Variants in STAT1 observed in about 807,000 individuals in gnomAD.
STAT1 encodes the protein signal transducer and activator of transcription 1-alpha/beta.
In STAT1, 24 loss-of-function variants were observed where a neutral mutation model predicts 111.7. That is an observed-to-expected ratio of 0.21 (90% CI 0.16 to 0.30). The LOEUF (loss-of-function observed/expected upper bound fraction) is 0.30. Ranked by LOEUF, STAT1 falls within the 10% of genes least tolerant of loss-of-function variation. The pLI, the probability that STAT1 is intolerant of heterozygous loss-of-function variation, is 1.00. For synonymous variants in STAT1, 332 were observed against 326.5 expected, an observed-to-expected ratio of 1.02 and a Z score of -0.18; for missense variants, 351 against 911.9, an observed-to-expected ratio of 0.38 and a Z score of 7.92.
At chr2:190,985,559 T>A in intron 15 of STAT1, 60 bp downstream of exon 15, 1 of 1,590,078 alleles carries the variant, frequency 6.3e-7, no homozygotes, top group Non-Finnish European at 8.6e-7. Flanking sequence ...CCAACTGACC[T>A]GTCCTTGCTA....
At chr2:191,010,642 T>G (rs1695048506) in intron 2 of STAT1, among the ~76,000 whole-genome samples, 1 of 151,966 alleles carries the variant, frequency 6.6e-6, no homozygotes, top group Non-Finnish European at 1.5e-5. Flanking sequence ...ATTTTCAAAC[T>G]TCTGTTTTAT....
At chr2:191,013,714 G>A (rs1408682415) in intron 1 of STAT1, 36 bp from the exon 2 acceptor site, 2 of 398,628 alleles carry the variant, frequency 5.0e-6, no homozygotes, top group Admixed American at 4.4e-5. Flanking sequence ...ATGGAAAGGG[G>A]TGGAAACGGG....
Position 190,993,790 on chromosome 2 carries a change from TAA to T in STAT1, c.944+1269_944+1270del, listed in dbSNP as rs35046975. Among the ~76,000 whole-genome samples, 3 of 144,838 alleles carry T rather than the reference TAA, an allele frequency of 2.1e-5. No homozygotes were observed. Among genetic ancestry groups the T allele is most frequent in the Non-Finnish European group, 3.0e-5 (2 of 65,828 alleles). On this transcript the variant is annotated intron_variant, in intron 10 of 24. Coordinates refer to ENST00000361099, the MANE Select transcript of STAT1 (RefSeq NM_007315.4). The surrounding 1 kb of genome is among the most constrained non-coding windows in gnomAD (Gnocchi z 4.1). ...CATTTTTATCATGTCAAGTTTGCAT[TAA>T]AAAAAAAAAAACTTGCAATATGAAC...
At position 190,969,483 on chromosome 2, in the gene STAT1, A is replaced by G. The variant is rs1691293061; in HGVS notation, c.*1220T>C. On this transcript the variant is annotated 3_prime_UTR_variant, in exon 25 of 25. Transcript: ENST00000361099. ...AAAAGGGAAGAACCTTGTCAAACCC[A>G]TCTCTTAATCTACTTTTTGTGTCAG... The G allele has an allele frequency of 6.6e-6, 1 of 152,202 alleles. No homozygotes were observed. The highest frequency in any genetic ancestry group is 6.5e-5 in the Admixed American group (1 of 15,286). The allele number at this position is 152,202 out of a possible 1,614,324, so 9.4% of individuals were successfully genotyped here. A position where few individuals can be genotyped will look rare whatever the true frequency, so the allele number is the denominator to read the frequency against.
chr2:190,992,838 G>A, intron 10 of STAT1: 1 of 328,022 alleles, frequency 3.0e-6, no homozygotes, highest in Non-Finnish European at 5.3e-6. Context: ...CTCCTAGGCT[G>A]GAGAGCAATG....
rs772103262 is a variant in STAT1 at position 190,989,694 on chromosome 2, C to CCATT, written c.1038-24_1038-21dup. 6.4e-7 allele frequency: 1 copy of CCATT among 1,570,840 alleles called. No homozygotes were observed. The highest frequency in any genetic ancestry group is 1.1e-5 in the South Asian group (1 of 87,314). ...AACAGTCTGGAAAGAAAAATAAAAG[C>CCATT]CATTACTTAAAAAAAATTATCTGTT... is the stretch of plus-strand genomic sequence containing the variant. On this transcript the variant is annotated intron_variant, in intron 11 of 24. Coordinates refer to ENST00000361099, the MANE Select transcript of STAT1 (RefSeq NM_007315.4). The surrounding 1 kb of genome is among the most constrained non-coding windows in gnomAD (Gnocchi z 5.0).
Position 190,990,271 on chromosome 2 carries a change from T to C in STAT1, c.1038-597A>G, listed in dbSNP as rs1693211577. Among the ~76,000 whole-genome samples, 1 of 152,196 alleles carries C rather than the reference T, an allele frequency of 6.6e-6. No homozygotes were observed. The highest frequency in any genetic ancestry group is 1.5e-5 in the Non-Finnish European group (1 of 68,030). On this transcript the variant is annotated intron_variant, in intron 11 of 24. Transcript: ENST00000361099. This position sits in a 1 kb window ranked among gnomAD's most constrained non-coding sequence, Gnocchi z 5.1. Reference sequence around the variant, plus strand: ...GAGCAGGTGGATGGGATCAGATTTCTACTGTCCCTTCCAGCTGCTGAGTTC... The same window carrying C: ...GAGCAGGTGGATGGGATCAGATTTCCACTGTCCCTTCCAGCTGCTGAGTTC...
chr2:191,010,891 T>C (rs1042718693), intron 2 of STAT1, among the ~76,000 whole-genome samples: 1 of 152,304 alleles, frequency 6.6e-6, no homozygotes, highest in East Asian at 1.9e-4. Context: ...AAACTTGATA[T>C]AAGCAAGTCC....
In STAT1 at chr2:191,007,423, TA is replaced by T. The variant is rs1694790346; in HGVS notation, c.372+139del. ...TTAAAGCCTGGTTCTATAAAATCTC[TA>T]AATCTGATTCTCCCACTTCTTGGGG... is the stretch of plus-strand genomic sequence containing the variant. On this transcript the variant is annotated intron_variant, in intron 5 of 24. Transcript: ENST00000361099. The surrounding 1 kb of genome is among the most constrained non-coding windows in gnomAD (Gnocchi z 4.2). 1.2e-5 allele frequency: 8 copies of T among 681,442 alleles called. No homozygotes were observed. The allele number at this position is 681,442 out of a possible 1,614,324, so 42.2% of individuals were successfully genotyped here. A position where few individuals can be genotyped will look rare whatever the true frequency, so the allele number is the denominator to read the frequency against.
At chr2:191,013,148 G>A (rs940195550) in intron 2 of STAT1, among the ~76,000 whole-genome samples, 2 of 152,196 alleles carry the variant, frequency 1.3e-5, no homozygotes, top group Admixed American at 6.5e-5. Context: ...TATTTCAGAC[G>A]GAATTAGAAA....
At position 190,987,135 on chromosome 2, in the gene STAT1, TAA is replaced by T; in HGVS notation, c.1098-69_1098-68del. ...TTTGAAATAAGCTTTAACAAAATTA[TAA>T]GAGTATAAGAGCATAAGAGTGTAAG... On this transcript the variant is annotated intron_variant, in intron 12 of 24. Coordinates refer to ENST00000361099, the MANE Select transcript of STAT1 (RefSeq NM_007315.4). This position sits in a 1 kb window ranked among gnomAD's most constrained non-coding sequence, Gnocchi z 4.0. 3.5e-6 allele frequency: 4 copies of T among 1,128,328 alleles called. No homozygotes were observed. The highest frequency in any genetic ancestry group is 4.0e-6 in the Non-Finnish European group (3 of 746,802). 69.9% of individuals were successfully genotyped at this position (1,128,328 alleles called of 1,614,324 possible).
chr2:190,994,686 C>T (rs990936156), intron 10 of STAT1, among the ~76,000 whole-genome samples: 1 of 151,688 alleles, frequency 6.6e-6, no homozygotes, highest in Admixed American at 6.6e-5. Flanking sequence ...TTTGGGAGGC[C>T]GAGGAGGGCA....
chr2:190,998,210 T>C lies in STAT1; in HGVS notation c.633+7A>G. ...GTGGCATGCTATTCTGGAAAGTAAATAACTACCTTTCTCTTATTGTCAAGC... is the reference window on the plus strand; with the variant it reads ...GTGGCATGCTATTCTGGAAAGTAAACAACTACCTTTCTCTTATTGTCAAGC... On this transcript the variant is annotated splice_region_variant and intron_variant, in intron 8 of 24. Transcript: ENST00000361099. This position sits in a 1 kb window ranked among gnomAD's most constrained non-coding sequence, Gnocchi z 4.1. 2 of 1,610,686 alleles carry C rather than the reference T, an allele frequency of 1.2e-6. No homozygotes were observed. Among genetic ancestry groups the C allele is most frequent in the Non-Finnish European group, 1.7e-6 (2 of 1,177,130 alleles).
Position 190,999,382 on chromosome 2 carries a change from T to C in STAT1, c.541+244A>G, listed in dbSNP as rs907516591. 3.3e-5 allele frequency among the ~76,000 whole-genome samples: 5 copies of C among 152,138 alleles called. No homozygotes were observed. The highest frequency in any genetic ancestry group is 1.9e-4 in the East Asian group (1 of 5,192). Reference sequence around the variant, plus strand: ...AGTGAGGGCTCCTGGGTAGTGCTACTGGCATCTGGTGGGTAAAAGTCGGGG... The same window carrying C: ...AGTGAGGGCTCCTGGGTAGTGCTACCGGCATCTGGTGGGTAAAAGTCGGGG... On this transcript the variant is annotated intron_variant, in intron 7 of 24. Transcript: ENST00000361099. The surrounding 1 kb of genome is among the most constrained non-coding windows in gnomAD (Gnocchi z 4.1).
intron 3 of STAT1, among the ~76,000 whole-genome samples, chr2:191,009,588 G>A (rs938007045): frequency 6.6e-5 from 10 of 151,892 alleles, no homozygotes; most frequent in Non-Finnish European, 1.3e-4. Context: ...GAAAATAATC[G>A]GTGTCAGTAT....
rs991315275 is a variant in STAT1, at chr2:190,989,053, AGAGAC to A, written c.1097+557_1097+561del. On this transcript the variant is annotated intron_variant, in intron 12 of 24. Coordinates refer to ENST00000361099, the MANE Select transcript of STAT1 (RefSeq NM_007315.4). This position sits in a 1 kb window ranked among gnomAD's most constrained non-coding sequence, Gnocchi z 5.0. ...CATTCCTGGGTTCCCACTGCCCAGA[AGAGAC>A]AAGAGTGAATCCCACAGGCTCCACA... Among the ~76,000 whole-genome samples, 48 of 152,142 alleles carry A rather than the reference AGAGAC, an allele frequency of 3.2e-4. No homozygotes were observed. Among genetic ancestry groups the A allele is most frequent in the African/African-American group, 9.4e-4 (39 of 41,514 alleles).
In STAT1 at chr2:190,997,609, C is replaced by G. The variant is rs41339847; in HGVS notation, c.785+247G>C. 0.014 allele frequency among the ~76,000 whole-genome samples: 2,119 copies of G among 152,206 alleles called. 50 individuals carry two copies. The highest frequency in any genetic ancestry group is 0.048 in the African/African-American group (1,976 of 41,508). Reference sequence around the variant, plus strand: ...ACGACCATGTCACTGATGTTTTGTACAGTCAAACGACACCCCATGGTACAG... The same window carrying G: ...ACGACCATGTCACTGATGTTTTGTAGAGTCAAACGACACCCCATGGTACAG... On this transcript the variant is annotated intron_variant, in intron 9 of 24. Coordinates refer to ENST00000361099, the MANE Select transcript of STAT1 (RefSeq NM_007315.4). This position sits in a 1 kb window ranked among gnomAD's most constrained non-coding sequence, Gnocchi z 7.3.
At chr2:190,992,793 C>CTTT (rs112075173) in intron 10 of STAT1, 64 of 376,494 alleles carry the variant, frequency 1.7e-4, no homozygotes, top group South Asian at 5.0e-4. Context: ...TGCATTCTTT[C>CTTT]TTTTTTTTTT....
At chr2:190,988,565 A>G (rs557524618) in intron 12 of STAT1, among the ~76,000 whole-genome samples, 1 of 152,208 alleles carries the variant, frequency 6.6e-6, no homozygotes, top group East Asian at 1.9e-4. Context: ...TTTTTCGTAG[A>G]GACGGGGTTT....
Sources: allele counts gnomAD v4.1 joint callset (sites outside exome capture counted in the v4.1 genomes callset), GRCh38; gene constraint gnomAD v4.1.1; non-coding constraint Gnocchi (gnomAD v3.1); transcripts MANE v1.5; gene names NCBI Gene and HGNC (gene_info 2026-07-23, HGNC 2026-07-21).